The following RBFOX1 variants were observed in gnomAD, a reference collection of about 807,000 sequenced individuals.
RBFOX1 encodes RNA binding protein fox-1 homolog 1.
RBFOX1 carries 8 observed loss-of-function variants against 57.7 expected under a neutral mutation model. That is an observed-to-expected ratio of 0.14 (90% CI 0.08 to 0.25). The LOEUF is 0.25. RBFOX1 is among the 10% of genes least tolerant of loss of function. The pLI is 1.00. For synonymous variants in RBFOX1, 326 were observed against 222.4 expected, an observed-to-expected ratio of 1.47 and a Z score of -4.15; for missense variants, 611 against 548.5, an observed-to-expected ratio of 1.11 and a Z score of -1.14.
chr16:5,271,777 A>G (rs1399938678), intron 1 of RBFOX1, among the ~76,000 whole-genome samples: 2 of 152,172 alleles, frequency 1.3e-5, no homozygotes, highest in Non-Finnish European at 2.9e-5. Flanking sequence ...AGCCCCTGAT[A>G]ACCACTGTCC....
rs1409375591 is a variant in RBFOX1, at chr16:6,211,393, TA to T, written c.-126-105600del. On this transcript the variant is annotated intron_variant, in intron 1 of 15. Coordinates refer to ENST00000550418, the MANE Select transcript of RBFOX1 (RefSeq NM_018723.4). ...ACAGGTGCCCACCACCACACCCGGCTAATTTTTTGTACATTTAGTAGAGACA... is the reference window on the plus strand; with the variant it reads ...ACAGGTGCCCACCACCACACCCGGCTATTTTTTGTACATTTAGTAGAGACA... Among the ~76,000 whole-genome samples, 4 of 152,022 alleles carry T rather than the reference TA, an allele frequency of 2.6e-5. No homozygotes were observed. The East Asian group carries it at 7.8e-4, about 30-fold the overall frequency.
At position 6,044,784 on chromosome 16, in the gene RBFOX1, T is replaced by C. The variant is rs148250871; in HGVS notation, c.-127+24792T>C. ...CTACAGTGGCATGAGGCGTGAACTC[T>C]GAACTGCCTGTCTGGGACACAGCCT... On this transcript the variant is annotated intron_variant, in intron 1 of 15. Transcript: ENST00000550418. 1.1e-3 allele frequency among the ~76,000 whole-genome samples: 168 copies of C among 152,358 alleles called. 2 individuals carry two copies. The highest frequency in any genetic ancestry group is 3.3e-3 in the African/African-American group (139 of 41,588).
chr16:5,544,270 G>A (rs1469232124), intron 2 of RBFOX1, among the ~76,000 whole-genome samples: 1 of 152,184 alleles, frequency 6.6e-6, no homozygotes, highest in Admixed American at 6.5e-5. Flanking sequence ...ATTGGCAACA[G>A]AAGGAACTCT....
intron 1 of RBFOX1, among the ~76,000 whole-genome samples, chr16:6,313,184 G>A (rs2152767602): frequency 6.6e-6 from 1 of 152,276 alleles, no homozygotes; most frequent in African/African-American, 2.4e-5. Context: ...GGACTGGGGG[G>A]AAGTGTGATC....
intron 3 of RBFOX1, among the ~76,000 whole-genome samples, chr16:6,992,300 C>G (rs917409953): frequency 3.3e-5 from 5 of 152,070 alleles, no homozygotes; most frequent in African/African-American, 9.7e-5. Context: ...TCATTGCAGC[C>G]TCTGCCTCCC....
chr16:7,228,706 G>T (rs1485712769), intron 4 of RBFOX1, among the ~76,000 whole-genome samples: 1 of 152,178 alleles, frequency 6.6e-6, no homozygotes, highest in Non-Finnish European at 1.5e-5. Flanking sequence ...CTCAATTCAG[G>T]ACGACGTGAA....
intron 3 of RBFOX1, among the ~76,000 whole-genome samples, chr16:6,915,557 T>C (rs1037772931): frequency 1.3e-5 from 2 of 150,508 alleles, no homozygotes; most frequent in Non-Finnish European, 3.0e-5. Flanking sequence ...CCCCTTTTTT[T>C]TTTTTTTTTT....
At chr16:6,882,922 A>T (rs2063253238) in intron 3 of RBFOX1, among the ~76,000 whole-genome samples, 1 of 152,130 alleles carries the variant, frequency 6.6e-6, no homozygotes, top group Admixed American at 6.5e-5. Flanking sequence ...TATGAATTGA[A>T]TCAGGATGTC....
At chr16:5,517,929 A>C (rs2043853391) in intron 2 of RBFOX1, among the ~76,000 whole-genome samples, 1 of 125,102 alleles carries the variant, frequency 8.0e-6, no homozygotes, top group Non-Finnish European at 1.7e-5. Flanking sequence ...TGCAAAAGCT[A>C]CTGTGTGTGT....
intron 1 of RBFOX1, among the ~76,000 whole-genome samples, chr16:6,290,937 A>G (rs1567862826): frequency 1.3e-5 from 2 of 152,184 alleles, no homozygotes; most frequent in African/African-American, 4.8e-5. Context: ...GCTACTCCAT[A>G]GAGAGAGCAT....
chr16:6,531,904 C>T (rs1351354280), intron 2 of RBFOX1, among the ~76,000 whole-genome samples: 1 of 152,142 alleles, frequency 6.6e-6, no homozygotes, highest in Non-Finnish European at 1.5e-5. Flanking sequence ...AATTCCCCTT[C>T]TACATTAAGC....
chr16:6,416,156 G>A (rs1187753426), intron 2 of RBFOX1, among the ~76,000 whole-genome samples: 3 of 152,218 alleles, frequency 2.0e-5, no homozygotes, highest in Non-Finnish European at 1.5e-5. Flanking sequence ...GTGCAGCAGT[G>A]TCCTCGAAAC....
chr16:5,303,578 T>G (rs2063857900), intron 1 of RBFOX1, among the ~76,000 whole-genome samples: 1 of 152,148 alleles, frequency 6.6e-6, no homozygotes, highest in Non-Finnish European at 1.5e-5. Context: ...ACTTCAGACA[T>G]GCTTCTGATG....
intron 3 of RBFOX1, among the ~76,000 whole-genome samples, chr16:6,847,590 T>G (rs2093825426): frequency 6.6e-6 from 1 of 151,980 alleles, no homozygotes; most frequent in Non-Finnish European, 1.5e-5. Context: ...AAAAGTTGCA[T>G]GGCAAAGGGA....
At chr16:5,859,065 C>A (rs1321240157) in intron 3 of RBFOX1, among the ~76,000 whole-genome samples, 1 of 152,128 alleles carries the variant, frequency 6.6e-6, no homozygotes, top group African/African-American at 2.4e-5. Flanking sequence ...ATTAGCCAGG[C>A]ATGATTGTGG....
chr16:6,017,678 C>T (rs959474456), upstream of RBFOX1, among the ~76,000 whole-genome samples: 3 of 152,144 alleles, frequency 2.0e-5, no homozygotes, highest in Non-Finnish European at 2.9e-5. Context: ...TTAAATATTG[C>T]GTGCTTTAAA....
At chr16:5,580,337 G>C (rs1443608235) in intron 2 of RBFOX1, among the ~76,000 whole-genome samples, 2 of 152,230 alleles carry the variant, frequency 1.3e-5, no homozygotes, top group Admixed American at 6.5e-5. Flanking sequence ...TGGTAATTGA[G>C]CTTGTGGGAA....
intron 14 of RBFOX1, among the ~76,000 whole-genome samples, chr16:7,704,157 C>G (rs1274512197): frequency 6.6e-6 from 1 of 152,152 alleles, no homozygotes; most frequent in Non-Finnish European, 1.5e-5. Flanking sequence ...AGAACTCAAA[C>G]CTGGATCTTT....
At chr16:7,109,797 A>T (rs2064315394) in intron 4 of RBFOX1, among the ~76,000 whole-genome samples, 1 of 151,988 alleles carries the variant, frequency 6.6e-6, no homozygotes, top group Non-Finnish European at 1.5e-5. Context: ...TGCTGAACAA[A>T]CCTGAATTGA....
Sources: gnomAD v4.1 joint callset for allele counts (sites outside exome capture counted in the v4.1 genomes callset) on GRCh38, gnomAD v4.1.1 for gene constraint, MANE v1.5 for transcripts, NCBI Gene and HGNC (gene_info 2026-07-23, HGNC 2026-07-21) for gene names.